Variants in RGPD2 observed in about 807,000 individuals in gnomAD.
RGPD2 encodes RANBP2-like and GRIP domain-containing protein 2.
Under a neutral mutation model 36.0 loss-of-function variants are expected in RGPD2, and 2 were observed. The observed-to-expected ratio is 0.06, with a 90% CI of 0.02 to 0.17. The LOEUF is 0.17. Ranked by LOEUF, RGPD2 falls within the 10% of genes least tolerant of loss-of-function variation. The pLI, the probability that RGPD2 is intolerant of heterozygous loss-of-function variation, is 1.00. For missense variants in RGPD2, 40 were observed against 464.3 expected, an observed-to-expected ratio of 0.09 and a Z score of 8.40; for synonymous variants, 19 against 163.8, an observed-to-expected ratio of 0.12 and a Z score of 6.75.
chr2:87,857,775 A>G, the RGPD2 span, among the ~76,000 whole-genome samples: 2 of 30,124 alleles, frequency 6.6e-5, no homozygotes, highest in Admixed American at 4.3e-4. Flanking sequence ...CATCTCTACT[A>G]AAAAAAAAAA....
the RGPD2 span, among the ~76,000 whole-genome samples, chr2:87,984,732 C>T: frequency 2.2e-4 from 33 of 148,604 alleles, no homozygotes; most frequent in Non-Finnish European, 4.2e-4. Flanking sequence ...AGATCGAGAC[C>T]ATCCTGGCTA....
chr2:87,984,272 C>A, the RGPD2 span, among the ~76,000 whole-genome samples: 1 of 152,156 alleles, frequency 6.6e-6, no homozygotes, highest in Non-Finnish European at 1.5e-5. Flanking sequence ...CCGGCGAACC[C>A]CTTTCCAAAC....
At chr2:87,877,835 A>AG in the RGPD2 span, among the ~76,000 whole-genome samples, 1 of 142,702 alleles carries the variant, frequency 7.0e-6, no homozygotes, top group African/African-American at 2.6e-5. Flanking sequence ...AAAAAAAAAA[A>AG]GAATATTGAC....
At chr2:87,773,692 T>TA (rs1685204697) in intron 21 of RGPD2, among the ~76,000 whole-genome samples, 1 of 5,660 alleles carries the variant, frequency 1.8e-4, no homozygotes, top group African/African-American at 4.6e-4. Context: ...CAAGACTATC[T>TA]CAAAAAAAAA....
the RGPD2 span, among the ~76,000 whole-genome samples, chr2:87,953,102 C>A: frequency 4.2e-4 from 64 of 152,258 alleles, no homozygotes; most frequent in African/African-American, 1.4e-3. Flanking sequence ...TGCTTTGGTA[C>A]ATAATTACTA....
At chr2:87,825,234 C>T (rs1417408935) in intron 1 of RGPD2, 8 of 395,330 alleles carry the variant, frequency 2.0e-5, no homozygotes, top group Non-Finnish European at 2.7e-5. Context: ...GACTAATTAC[C>T]ACCCAACAAT....
chr2:87,857,495 T>A, the RGPD2 span, among the ~76,000 whole-genome samples: 62 of 151,440 alleles, frequency 4.1e-4, no homozygotes, highest in African/African-American at 1.0e-3. Context: ...GGCGCCCGCC[T>A]CCACGCCTGG....
chr2:87,937,878 GT>G, the RGPD2 span, among the ~76,000 whole-genome samples: 1 of 151,866 alleles, frequency 6.6e-6, no homozygotes, highest in Non-Finnish European at 1.5e-5. Flanking sequence ...GGACATTACT[GT>G]GACATTAAGA....
chr2:87,884,027 G>C, the RGPD2 span, among the ~76,000 whole-genome samples: 2 of 151,972 alleles, frequency 1.3e-5, no homozygotes, highest in South Asian at 4.1e-4. Flanking sequence ...ACGTTCTCCA[G>C]GATGGATTAT....
chr2:87,976,362 T>A, the RGPD2 span, among the ~76,000 whole-genome samples: 2 of 152,132 alleles, frequency 1.3e-5, no homozygotes, highest in Non-Finnish European at 2.9e-5. Context: ...AAAAAAATCA[T>A]GAAAAGGGGA....
the RGPD2 span, among the ~76,000 whole-genome samples, chr2:87,967,840 A>G: frequency 3.0e-4 from 45 of 150,890 alleles, no homozygotes; most frequent in South Asian, 7.1e-3. Flanking sequence ...CAAATCTCAG[A>G]AAATAAAATT....
chr2:87,873,004 C>G, the RGPD2 span, among the ~76,000 whole-genome samples: 2 of 152,282 alleles, frequency 1.3e-5, no homozygotes, highest in Non-Finnish European at 2.9e-5. Context: ...ATGATCCACC[C>G]TCTTCAGCTT....
the RGPD2 span, among the ~76,000 whole-genome samples, chr2:87,937,931 T>G: frequency 2.6e-5 from 4 of 151,894 alleles, no homozygotes; most frequent in East Asian, 7.8e-4. Context: ...GTGATACTGG[T>G]TTCCTTAGCT....
the RGPD2 span, among the ~76,000 whole-genome samples, chr2:87,883,113 A>C: frequency 6.6e-6 from 1 of 152,218 alleles, no homozygotes; most frequent in Non-Finnish European, 1.5e-5. Flanking sequence ...AAAACAAAGC[A>C]ACAATAATTT....
chr2:87,985,856 C>T, the RGPD2 span: 22 of 1,610,464 alleles, frequency 1.4e-5, 1 homozygote, highest in Middle Eastern at 4.5e-4. Flanking sequence ...ACTTGACAAG[C>T]ATCTGAACTG....
chr2:87,936,343 T>C, the RGPD2 span, among the ~76,000 whole-genome samples: 31 of 150,586 alleles, frequency 2.1e-4, no homozygotes, highest in African/African-American at 7.3e-4. Context: ...TATTAAAAAC[T>C]TTAAGAGGTA....
chr2:87,842,019 C>A, the RGPD2 span, among the ~76,000 whole-genome samples: 24 of 148,518 alleles, frequency 1.6e-4, no homozygotes, highest in Non-Finnish European at 2.8e-4. Context: ...ACCCTTCATG[C>A]TAAAAACTCT....
the RGPD2 span, among the ~76,000 whole-genome samples, chr2:87,863,700 G>A: frequency 6.6e-6 from 1 of 151,468 alleles, no homozygotes; most frequent in Non-Finnish European, 1.5e-5. Context: ...AAATACGTGT[G>A]TGTGTGTGTG....
the RGPD2 span, among the ~76,000 whole-genome samples, chr2:87,906,623 A>G: frequency 2.1e-5 from 3 of 144,208 alleles, no homozygotes; most frequent in Non-Finnish European, 4.5e-5. Context: ...GTTATATAAT[A>G]AAAGTGCTCT....
Sources: allele counts gnomAD v4.1 joint callset (sites outside exome capture counted in the v4.1 genomes callset), GRCh38; gene constraint gnomAD v4.1.1; transcripts MANE v1.5; gene names NCBI Gene and HGNC (gene_info 2026-07-23, HGNC 2026-07-21).